LINGO1: variants seen among roughly 807,000 people sequenced by gnomAD.
The protein encoded by LINGO1 is leucine-rich repeat and immunoglobulin-like domain-containing nogo receptor-interacting protein 1.
In LINGO1, 11 loss-of-function variants were observed where a neutral mutation model predicts 37.3. The observed-to-expected ratio is 0.29, with a 90% CI of 0.19 to 0.49. LINGO1 has a LOEUF of 0.49. LINGO1 is among the 20% of genes least tolerant of loss of function. The probability of loss-of-function intolerance (pLI) is 0.99; values close to 1 mark genes in which losing one functional copy is unlikely to be tolerated. For synonymous variants in LINGO1, 387 were observed against 403.0 expected, an observed-to-expected ratio of 0.96 and a Z score of 0.48; for missense variants, 585 against 878.2, an observed-to-expected ratio of 0.67 and a Z score of 4.22.
At chr15:77,702,683 G>A (rs967869790) in intron 2 of LINGO1, among the ~76,000 whole-genome samples, 8 of 152,088 alleles carry the variant, frequency 5.3e-5, no homozygotes, top group Non-Finnish European at 1.0e-4. Context: ...TCAGCACCCC[G>A]GACAGCTGCC....
At chr15:77,770,866 C>T (rs113785812) in intron 1 of LINGO1, among the ~76,000 whole-genome samples, 4 of 152,330 alleles carry the variant, frequency 2.6e-5, no homozygotes, top group African/African-American at 4.8e-5. Flanking sequence ...AGATGCCCAC[C>T]GCCTACCTGG....
intron 1 of LINGO1, among the ~76,000 whole-genome samples, chr15:77,738,219 C>A (rs944043524): frequency 6.6e-6 from 1 of 152,156 alleles, no homozygotes; most frequent in African/African-American, 2.4e-5. Flanking sequence ...AGCCTCCTCC[C>A]TCACTCAGCT....
At chr15:77,777,469 A>ACG (rs2076672003) in intron 1 of LINGO1, among the ~76,000 whole-genome samples, 1 of 49,748 alleles carries the variant, frequency 2.0e-5, no homozygotes, top group Admixed American at 1.8e-4. Context: ...ACACACGCAC[A>ACG]CACACACACA....
At chr15:77,807,308 G>C (rs1427357870) in intron 1 of LINGO1, among the ~76,000 whole-genome samples, 1 of 152,196 alleles carries the variant, frequency 6.6e-6, no homozygotes, top group Non-Finnish European at 1.5e-5. Context: ...CTGGGCAGGG[G>C]CTGCTTCGGA....
intron 3 of LINGO1, among the ~76,000 whole-genome samples, chr15:77,666,147 AC>A: frequency 6.6e-6 from 1 of 152,234 alleles, no homozygotes; most frequent in Non-Finnish European, 1.5e-5. Context: ...TGAATGAATG[AC>A]ATGAACATGT....
chr15:77,649,450 T>C (rs1243440275), intron 3 of LINGO1, among the ~76,000 whole-genome samples: 7 of 152,152 alleles, frequency 4.6e-5, no homozygotes, highest in Non-Finnish European at 8.8e-5. Context: ...GTCTGTAATA[T>C]GGGATCAACC....
intron 1 of LINGO1, among the ~76,000 whole-genome samples, chr15:77,766,297 CAA>C (rs71447163): frequency 5.4e-3 from 265 of 49,058 alleles, no homozygotes; most frequent in African/African-American, 0.02. Flanking sequence ...GACCCTGTCT[CAA>C]AAAAAAAAAA....
intron 1 of LINGO1, among the ~76,000 whole-genome samples, chr15:77,767,053 AAC>A (rs1301408744): frequency 6.6e-6 from 1 of 152,176 alleles, no homozygotes; most frequent in East Asian, 1.9e-4. Context: ...AGAAGAGAAA[AAC>A]ACAGAGGTTA....
Position 77,766,173 on chromosome 15 carries a change from C to T in LINGO1, c.-257+20696G>A, listed in dbSNP as rs374844807. Among the ~76,000 whole-genome samples the T allele has an allele frequency of 4.0e-4, 61 of 151,896 alleles. No individual in the cohort carries two copies. The East Asian group carries it at 0.011, about 27-fold the overall frequency. ...GTCAGCCAGGCATGGTGGCATGCAC[C>T]TGTAGTCCCAGCTACTCCAGAGGCT... On this transcript the variant is annotated intron_variant, in intron 1 of 3. Transcript: ENST00000561686.
intron 1 of LINGO1, among the ~76,000 whole-genome samples, chr15:77,786,607 G>A (rs953797999): frequency 6.6e-5 from 10 of 152,226 alleles, no homozygotes; most frequent in Admixed American, 1.3e-4. Context: ...GGGGATGGCA[G>A]GTATGGGCTA....
At chr15:77,696,943 G>A (rs561692293), upstream of LINGO1, among the ~76,000 whole-genome samples, 7 of 152,372 alleles carry the variant, frequency 4.6e-5, no homozygotes, top group South Asian at 2.1e-4. Flanking sequence ...CAGGGCAGCC[G>A]GGCCAGGAAG....
chr15:77,748,902 T>C (rs1596186389), intron 1 of LINGO1, among the ~76,000 whole-genome samples: 1 of 125,530 alleles, frequency 8.0e-6, no homozygotes, highest in Admixed American at 1.0e-4. Flanking sequence ...TTTCCTTCCT[T>C]CCTTCTCTTT....
intron 1 of LINGO1, among the ~76,000 whole-genome samples, chr15:77,736,115 T>C (rs935851332): frequency 6.6e-6 from 1 of 152,138 alleles, no homozygotes; most frequent in Non-Finnish European, 1.5e-5. Flanking sequence ...CCCAGTCACC[T>C]CTCCAGAGGT....
rs774494605 is a variant in LINGO1, at chr15:77,664,130, AGTGTGT to A, written c.-13+12953_-13+12958del. Among the ~76,000 whole-genome samples the A allele has an allele frequency of 3.1e-3, 407 of 130,356 alleles. 3 individuals are homozygous for A. The highest frequency in any genetic ancestry group is 4.0e-3 in the Non-Finnish European group (252 of 62,562). 85.5% of individuals were successfully genotyped at this position (130,356 alleles called of 152,430 possible). A position where few individuals can be genotyped will look rare whatever the true frequency, so the allele number is the denominator to read the frequency against. The stretch of plus-strand genomic sequence containing the variant: ...TTCCTCTCTTCTGCCACACAGGAGC[AGTGTGT>A]GTGTGTGTGTGTGTGTGTGTGTGTG... On this transcript the variant is annotated intron_variant, in intron 3 of 3. Transcript: ENST00000559893.
chr15:77,773,353 T>C (rs950279362), intron 1 of LINGO1, among the ~76,000 whole-genome samples: 2 of 152,204 alleles, frequency 1.3e-5, no homozygotes, highest in African/African-American at 4.8e-5. Flanking sequence ...GAACACCCAC[T>C]GTGTGCCAGG....
chr15:77,696,570 C>T (rs73465808), upstream of LINGO1: 3,303 of 152,620 alleles, frequency 0.022, 128 homozygotes, highest in African/African-American at 0.076. Flanking sequence ...GGACAGCCTG[C>T]TCTGCCCACC....
intron 1 of LINGO1, among the ~76,000 whole-genome samples, chr15:77,747,194 C>T (rs530649633): frequency 3.9e-5 from 6 of 152,334 alleles, no homozygotes; most frequent in Middle Eastern, 3.4e-3. Context: ...CTTGGTCCCC[C>T]GCCCAGGCCT....
At chr15:77,621,189 C>G (rs974897438) in intron 1 of LINGO1, among the ~76,000 whole-genome samples, 3 of 151,894 alleles carry the variant, frequency 2.0e-5, no homozygotes, top group Non-Finnish European at 4.4e-5. Context: ...CAGATAGCTG[C>G]GATTATAGGT....
chr15:77,681,772 G>A (rs1489128063), intron 2 of LINGO1, among the ~76,000 whole-genome samples: 2 of 152,128 alleles, frequency 1.3e-5, no homozygotes, highest in East Asian at 3.9e-4. Flanking sequence ...GAGGGTGGAA[G>A]GGAGGGGAGT....
Sources: gnomAD v4.1 joint callset for allele counts (sites outside exome capture counted in the v4.1 genomes callset) on GRCh38, gnomAD v4.1.1 for gene constraint, MANE v1.5 for transcripts, NCBI Gene and HGNC (gene_info 2026-07-23, HGNC 2026-07-21) for gene names.